Variants in MAN2A2 observed in about 807,000 individuals in gnomAD.
MAN2A2 encodes mannosidase alpha class 2A member 2.
In MAN2A2, 79 loss-of-function variants were observed where a neutral mutation model predicts 126.8. That is an observed-to-expected ratio of 0.62 (90% CI 0.52 to 0.75). The LOEUF is 0.75. MAN2A2 is among the 30% of genes least tolerant of loss of function. MAN2A2 has a pLI of 0.00. For missense variants in MAN2A2, 1,392 were observed against 1,522.4 expected (o/e 0.91, Z 1.43); for synonymous variants, 671 against 618.7 (o/e 1.08, Z -1.25).
intron 8 of MAN2A2, among the ~76,000 whole-genome samples, chr15:90,908,441 A>G (rs768443442): frequency 2.2e-4 from 34 of 152,266 alleles, no homozygotes; most frequent in Non-Finnish European, 4.1e-4. Context: ...GATGTGCCAC[A>G]GGGCTGTTTT....
In MAN2A2 at chr15:90,910,259, A is replaced by G. The variant is rs1395040738; in HGVS notation, c.1544A>G (p.Lys515Arg). The stretch of plus-strand genomic sequence containing the variant: ...TATTACACTTCCCGGCCCTTCTACA[A>G]GAGCTTAGACCGAGTCCTGGAAGCC... ...TGYYTSRPFY[K>R]SLDRVLEAHL... Residue 515 changes from lysine to arginine, a missense_variant, in exon 10 of 23, where the codon AAG becomes AGG. Lys to Arg is a conservative substitution (Grantham distance 26). Transcript: ENST00000559717. 2 of 1,614,188 alleles carry G rather than the reference A, an allele frequency of 1.2e-6. No individual in the cohort carries two copies.
In MAN2A2 at chr15:90,918,199, A is replaced by G; in HGVS notation, c.3000A>G (p.Gln1000=). The change falls in exon 21 of 23, where the codon CAA becomes CAG. Residue 1000 remains glutamine (Q), a synonymous_variant. Coordinates refer to ENST00000559717, the MANE Select transcript of MAN2A2 (RefSeq NM_006122.4). The part of the protein sequence containing the change: ...LERRTVGSEV[Q]DSHSTSYPSL... The stretch of plus-strand genomic sequence containing the variant: ...ATCTCGGGTCAATTTTGCAGGTCCA[A>G]GATAGCCACTCTACCAGCTACCCAT... 1 of 1,612,926 alleles carries G rather than the reference A, an allele frequency of 6.2e-7. No homozygotes were observed. The highest frequency in any genetic ancestry group is 2.2e-5 in the East Asian group (1 of 44,812).
In MAN2A2 at chr15:90,918,496, A is replaced by G. The variant is rs1046867544; in HGVS notation, c.3189+108A>G. On this transcript the variant is annotated intron_variant, in intron 21 of 22. Transcript: ENST00000559717. ...ATGAGGTCCAGACCCCTTAGCAGGT[A>G]TTCGGCTCCAAACCTCCAGGACCAG... is the stretch of plus-strand genomic sequence containing the variant. 5 of 1,351,846 alleles carry G rather than the reference A, an allele frequency of 3.7e-6. No individual in the cohort carries two copies. In the African/African-American group the frequency reaches 5.8e-5, roughly 16 times the overall value. 83.7% of individuals were successfully genotyped at this position (1,351,846 alleles called of 1,614,324 possible).
At chr15:90,917,845 T>C (rs1318822854) in intron 20 of MAN2A2, 2 of 221,828 alleles carry the variant, frequency 9.0e-6, no homozygotes, top group Non-Finnish European at 1.8e-5. Context: ...TGCTCCATGG[T>C]GAGGCCTGCG....
chr15:90,919,745 G>A lies in MAN2A2; in HGVS notation c.3411G>A (p.Leu1137=), dbSNP rs1430875836. The A allele has an allele frequency of 1.2e-6, 2 of 1,614,080 alleles. No individual in the cohort carries two copies. Among genetic ancestry groups the A allele is most frequent in the African/African-American group, 2.7e-5 (2 of 74,922 alleles). Residue 1137 remains leucine, a synonymous_variant, in exon 23 of 23, where the codon TTG becomes TTA. Transcript: ENST00000559717. The stretch of plus-strand genomic sequence containing the variant: ...CGTCCAACAGCACTGACGTCTATTT[G>A]GAGCCCATGGAGATTGCTACCTTTC... The part of the protein sequence containing the change: ...ASPSNSTDVY[L]EPMEIATFRL...
chr15:90,919,641 C>T lies in MAN2A2; in HGVS notation c.3307C>T (p.Leu1103=). 8.1e-6 allele frequency: 13 copies of T among 1,614,124 alleles called. No individual in the cohort carries two copies. Among genetic ancestry groups the T allele is most frequent in the Non-Finnish European group, 1.1e-5 (13 of 1,180,002 alleles). Residue 1103 remains leucine (L), a synonymous_variant, in exon 23 of 23, where the codon CTG becomes TTG. Coordinates refer to ENST00000559717, the MANE Select transcript of MAN2A2 (RefSeq NM_006122.4). The stretch of plus-strand genomic sequence containing the variant: ...CCTTCTCTGCTCTCCACAGGTAGCC[C>T]TGGGCAGCCTTTTCCATGGCCTGGA... ...NCTTSQGKVA[L]GSLFHGLDVV... is the part of the protein sequence containing the mutation.
chr15:90,919,596 G>A lies in MAN2A2; in HGVS notation c.3301-39G>A, dbSNP rs368624297. ...AACAGCCACATTCTTTAGTGTCTCG[G>A]CACCTAGCACAACCCTGCCCCTTCT... On this transcript the variant is annotated intron_variant, in intron 22 of 22. Transcript: ENST00000559717. The A allele has an allele frequency of 3.1e-6, 5 of 1,605,468 alleles. No homozygotes were observed. The African/African-American group carries it at 5.4e-5, about 17-fold the overall frequency.
intron 14 of MAN2A2, 134 bp from the exon 15 acceptor site, chr15:90,911,909 C>T (rs2034779096): frequency 1.4e-6 from 1 of 724,418 alleles, no homozygotes; most frequent in Non-Finnish European, 2.4e-6. Flanking sequence ...AATCAGATCA[C>T]CTCCACTTTG....
At position 90,912,901 on chromosome 15, in the gene MAN2A2, G is replaced by T. The variant is rs761132723; in HGVS notation, c.2494G>T (p.Val832Leu). 29 of 1,614,054 alleles carry T rather than the reference G, an allele frequency of 1.8e-5. No individual in the cohort carries two copies. Among genetic ancestry groups the T allele is most frequent in the Non-Finnish European group, 2.4e-5 (28 of 1,179,948 alleles). Residue 832 changes from valine to leucine, a missense_variant, in exon 17 of 23, where the codon GTG becomes TTG. Coordinates refer to ENST00000559717, the MANE Select transcript of MAN2A2 (RefSeq NM_006122.4). ...GCCCTACGTCCCCAAGGAGCCCCCC[G>T]TGCTGCGTGTCACTGAAGGCCCTTT... ...AKPYVPKEPP[V>L]LRVTEGPFFS...
Position 90,904,279 on chromosome 15 carries a change from C to T in MAN2A2, c.72C>T (p.Leu24=), listed in dbSNP as rs2677743. The part of the protein sequence containing the change: ...IFCVAVFSLY[L]MLDRVQHDPT... ...GTGTGGCAGTCTTCTCGCTCTACCT[C>T]ATGCTGGACCGAGTGCAACACGATC... The change falls in exon 2 of 23, where the codon CTC becomes CTT. Residue 24 remains leucine, a synonymous_variant. Coordinates refer to ENST00000559717, the MANE Select transcript of MAN2A2 (RefSeq NM_006122.4). The T allele has an allele frequency of 6.9e-3, 11,060 of 1,614,154 alleles. 651 individuals carry two copies. In the African/African-American group the frequency reaches 0.13, roughly 19 times the overall value.
Position 90,907,321 on chromosome 15 carries a change from G to A in MAN2A2, c.1022G>A (p.Ser341Asn). Reference protein sequence around the residue: ...MWRQTWDSDSSTDIFCHMMPF... With the variant: ...MWRQTWDSDSNTDIFCHMMPF... ...GTGTCTCCTGCAGACTCGGACTCCAGCACAGACATCTTCTGTCACATGATG... is the reference window on the plus strand; with the variant it reads ...GTGTCTCCTGCAGACTCGGACTCCAACACAGACATCTTCTGTCACATGATG... Residue 341 changes from serine (S) to asparagine (N), a missense_variant, in exon 8 of 23, where the codon AGC becomes AAC. By Grantham distance (46) the Ser-to-Asn change is conservative (BLOSUM62 1). Coordinates refer to ENST00000559717, the MANE Select transcript of MAN2A2 (RefSeq NM_006122.4). 1.9e-6 allele frequency: 3 copies of A among 1,613,858 alleles called. No individual in the cohort carries two copies. Among genetic ancestry groups the A allele is most frequent in the Non-Finnish European group, 2.5e-6 (3 of 1,179,856 alleles).
chr15:90,904,192 G>A lies in MAN2A2; in HGVS notation c.-16G>A. 6.2e-7 allele frequency: 1 copy of A among 1,614,182 alleles called. No individual in the cohort carries two copies. Among genetic ancestry groups the A allele is most frequent in the South Asian group, 1.1e-5 (1 of 91,086 alleles). ...ACAGATGGTGTCCTTCCTGCCAGGT[G>A]TGTGTGGAGGCCAGTATGAAGCTGA... is the stretch of plus-strand genomic sequence containing the variant. On this transcript the variant is annotated splice_region_variant and 5_prime_UTR_variant, in exon 2 of 23. The change creates a new upstream start codon in the 5' untranslated region. Transcript: ENST00000559717.
chr15:90,918,333 C>T lies in MAN2A2; in HGVS notation c.3134C>T (p.Ala1045Val), dbSNP rs777198072. The T allele has an allele frequency of 2.5e-6, 4 of 1,614,214 alleles. No individual in the cohort carries two copies. The South Asian group carries it at 4.4e-5, about 18-fold the overall frequency. ...GGTCTGCGCTCATTTCATCCTCTGG[C>T]TTCCTCACTGCCCTGTGACTTCCAC... Reference protein sequence around the residue: ...GPGLRSFHPLASSLPCDFHLL... With the variant: ...GPGLRSFHPLVSSLPCDFHLL... The change falls in exon 21 of 23, where the codon GCT becomes GTT. Residue 1045 changes from alanine (A) to valine (V), a missense_variant. Physicochemically the swap from Ala to Val is moderately conservative, Grantham distance 64 (BLOSUM62 0). Transcript: ENST00000559717.
At position 90,916,413 on chromosome 15, in the gene MAN2A2, T is replaced by C. The variant is rs1195291684; in HGVS notation, c.2994+157T>C. The C allele has an allele frequency of 3.5e-6, 4 of 1,153,686 alleles. No individual in the cohort carries two copies. In the Admixed American group the frequency reaches 9.1e-5, roughly 26 times the overall value. 71.5% of individuals were successfully genotyped at this position (1,153,686 alleles called of 1,614,324 possible). A position where few individuals can be genotyped will look rare whatever the true frequency, so the allele number is the denominator to read the frequency against. On this transcript the variant is annotated intron_variant, in intron 20 of 22. Coordinates refer to ENST00000559717, the MANE Select transcript of MAN2A2 (RefSeq NM_006122.4). ...GGTGGGGGGAGGCAGTCTGGCGTTT[T>C]GTGTCCCATCTCACGCAGCCTGGCA...
chr15:90,913,418 G>A lies in MAN2A2; in HGVS notation c.2718+12G>A, dbSNP rs1159628899. On this transcript the variant is annotated intron_variant, in intron 18 of 22. Transcript: ENST00000559717. ...TCAATGGCTTTCAGGTGACTCCTGGGCCTGGGTCTCGGAGACCCCACAGAG... is the reference window on the plus strand; with the variant it reads ...TCAATGGCTTTCAGGTGACTCCTGGACCTGGGTCTCGGAGACCCCACAGAG... 6.3e-7 allele frequency: 1 copy of A among 1,582,306 alleles called. No homozygotes were observed. The highest frequency in any genetic ancestry group is 8.7e-7 in the Non-Finnish European group (1 of 1,151,338).
chr15:90,909,901 C>G (rs3784779), intron 9 of MAN2A2, among the ~76,000 whole-genome samples, 189 bp from the exon 10 acceptor site: 1 of 152,066 alleles, frequency 6.6e-6, no homozygotes, highest in South Asian at 2.1e-4. Flanking sequence ...CCGCGCCCAG[C>G]CGAAGGTGCC....
At position 90,912,510 on chromosome 15, in the gene MAN2A2, G is replaced by T. The variant is rs762754749; in HGVS notation, c.2347-32G>T. Reference sequence around the variant, plus strand: ...GAGGCAGGCCTGACATGCTGGTGTGGGGCCAGGGGTCAGGGCTGTGTTTTT... The same window carrying T: ...GAGGCAGGCCTGACATGCTGGTGTGTGGCCAGGGGTCAGGGCTGTGTTTTT... On this transcript the variant is annotated intron_variant, in intron 15 of 22. Coordinates refer to ENST00000559717, the MANE Select transcript of MAN2A2 (RefSeq NM_006122.4). The T allele has an allele frequency of 6.2e-6, 10 of 1,609,328 alleles. No homozygotes were observed. In the Admixed American group the frequency reaches 1.7e-4, roughly 27 times the overall value.
At chr15:90,919,104 T>C (rs1175407200) in intron 22 of MAN2A2, among the ~76,000 whole-genome samples, 2 of 152,184 alleles carry the variant, frequency 1.3e-5, no homozygotes, top group African/African-American at 2.4e-5. Flanking sequence ...TGGGCTCCAG[T>C]GTTTCAGAAG....
At position 90,904,301 on chromosome 15, in the gene MAN2A2, G is replaced by C. The variant is rs934052204; in HGVS notation, c.94G>C (p.Asp32His). ...CCTCATGCTGGACCGAGTGCAACAC[G>C]ATCCCACCCGACACCAGAATGGTGG... ...LYLMLDRVQHDPTRHQNGGNF... is the reference protein window; with the variant it reads ...LYLMLDRVQHHPTRHQNGGNF... The change falls in exon 2 of 23, where the codon GAT becomes CAT. Residue 32 changes from aspartate (D) to histidine (H), a missense_variant. By Grantham distance (81) the Asp-to-His change is moderately conservative. Coordinates refer to ENST00000559717, the MANE Select transcript of MAN2A2 (RefSeq NM_006122.4). 1 of 1,614,094 alleles carries C rather than the reference G, an allele frequency of 6.2e-7. No individual in the cohort carries two copies. Among genetic ancestry groups the C allele is most frequent in the Non-Finnish European group, 8.5e-7 (1 of 1,180,004 alleles).
Sources: allele counts gnomAD v4.1 joint callset (sites outside exome capture counted in the v4.1 genomes callset), GRCh38; gene constraint gnomAD v4.1.1; transcripts MANE v1.5; gene names NCBI Gene and HGNC (gene_info 2026-07-23, HGNC 2026-07-21).